The following N4BP2 variants were observed in gnomAD, a reference collection of about 807,000 sequenced individuals.
N4BP2 encodes NEDD4-binding protein 2.
A neutral mutation model predicts 152.8 loss-of-function variants in N4BP2; 91 were observed. The ratio of observed to expected loss-of-function variants is 0.60; its 90% CI spans 0.50 to 0.71. N4BP2 has a LOEUF of 0.71. Among genes scored for constraint, N4BP2 ranks in the 30% least tolerant of loss-of-function variants. The probability of loss-of-function intolerance (pLI) is 0.00; values close to 1 mark genes in which losing one functional copy is unlikely to be tolerated. For missense variants in N4BP2, 1,923 were observed against 2,059.1 expected, an observed-to-expected ratio of 0.93 and a Z score of 1.28; for synonymous variants, 646 against 705.3, an observed-to-expected ratio of 0.92 and a Z score of 1.33.
At chr4:40,115,858 G>A (rs1247670200) in intron 7 of N4BP2, among the ~76,000 whole-genome samples, 1 of 152,022 alleles carries the variant, frequency 6.6e-6, no homozygotes, top group Non-Finnish European at 1.5e-5. Context: ...CATGCTTATT[G>A]TTACTCATAT....
At chr4:40,059,036 G>T (rs1733446475) in intron 1 of N4BP2, among the ~76,000 whole-genome samples, 1 of 152,084 alleles carries the variant, frequency 6.6e-6, no homozygotes, top group Non-Finnish European at 1.5e-5. Context: ...GCCCAGGCTG[G>T]TCTCAAACCC....
At chr4:40,057,830 T>C (rs1733336375) in intron 1 of N4BP2, among the ~76,000 whole-genome samples, 1 of 152,144 alleles carries the variant, frequency 6.6e-6, no homozygotes. Context: ...GACAGGTCAG[T>C]GTCAGTGTTG....
At chr4:40,086,092 G>A (rs1457430371) in intron 2 of N4BP2, among the ~76,000 whole-genome samples, 3 of 149,950 alleles carry the variant, frequency 2.0e-5, no homozygotes, top group East Asian at 2.0e-4. Flanking sequence ...CTCAGCTCCC[G>A]AGTAGCTGGG....
chr4:40,120,622 T>C lies in N4BP2; in HGVS notation c.2511T>C (p.Cys837=), dbSNP rs958496196. The C allele has an allele frequency of 1.2e-6, 2 of 1,614,020 alleles. No individual in the cohort carries two copies. Among genetic ancestry groups the C allele is most frequent in the Non-Finnish European group, 1.7e-6 (2 of 1,180,024 alleles). Residue 837 remains cysteine (C), a synonymous_variant, in exon 9 of 18, where the codon TGT becomes TGC. Coordinates refer to ENST00000261435, the MANE Select transcript of N4BP2 (RefSeq NM_018177.6). ...LVNSVSVNTD[C]VQQRGSPHES... ...ACAGTGTATCTGTGAATACAGATTG[T>C]GTCCAGCAACGAGGATCTCCACATG...
At chr4:40,107,783 T>C (rs1716464990) in intron 5 of N4BP2, among the ~76,000 whole-genome samples, 1 of 152,202 alleles carries the variant, frequency 6.6e-6, no homozygotes, top group East Asian at 1.9e-4. Context: ...GTTATAAGGA[T>C]TCAAAGAGTT....
chr4:40,134,531 C>A (rs1299133172), intron 13 of N4BP2, among the ~76,000 whole-genome samples: 2 of 152,296 alleles, frequency 1.3e-5, no homozygotes, highest in East Asian at 3.9e-4. Context: ...GGTAGGTGAG[C>A]TCAGTTACTA....
chr4:40,073,080 A>T (rs1009398142), intron 1 of N4BP2, among the ~76,000 whole-genome samples: 1 of 152,130 alleles, frequency 6.6e-6, no homozygotes, highest in Non-Finnish European at 1.5e-5. Flanking sequence ...ATGATTCTTG[A>T]TTAGCTATTT....
chr4:40,139,530 C>T (rs1164321626), intron 14 of N4BP2, among the ~76,000 whole-genome samples: 4 of 131,306 alleles, frequency 3.0e-5, no homozygotes, highest in African/African-American at 1.2e-4. Flanking sequence ...CTCACTCTGT[C>T]GCCCAGGCTG....
rs767803072 is a variant in N4BP2, at chr4:40,142,670, T to C, written c.4786-3T>C. 5.0e-6 allele frequency: 8 copies of C among 1,598,494 alleles called. No individual in the cohort carries two copies. The highest frequency in any genetic ancestry group is 3.5e-5 in the Admixed American group (2 of 56,376). On this transcript the variant is annotated splice_polypyrimidine_tract_variant and splice_region_variant and intron_variant, in intron 14 of 17. Transcript: ENST00000261435. Reference sequence around the variant, plus strand: ...GTGTTACTTATTGTTTAATATCTTATAGCCAAAGAAATTAAAAGAGACTGA... The same window carrying C: ...GTGTTACTTATTGTTTAATATCTTACAGCCAAAGAAATTAAAAGAGACTGA...
At chr4:40,150,666 G>A (rs1253547620) in intron 16 of N4BP2, among the ~76,000 whole-genome samples, 1 of 96,368 alleles carries the variant, frequency 1.0e-5, no homozygotes. Flanking sequence ...GTGAGACTCT[G>A]TCTCAGGGGG....
In N4BP2 at chr4:40,099,844, G is replaced by T. The variant is rs368814959; in HGVS notation, c.230-2231G>T. ...TTAGTTGATCTTTTCTGGTTTTACT[G>T]TCATGTAGATTTTTTTCATAGAAAT... On this transcript the variant is annotated intron_variant, in intron 3 of 17. Transcript: ENST00000261435. Among the ~76,000 whole-genome samples, 19 of 151,608 alleles carry T rather than the reference G, an allele frequency of 1.3e-4. 1 individual carries two copies. The East Asian group carries it at 3.7e-3, about 29-fold the overall frequency.
At position 40,155,601 on chromosome 4, in the gene N4BP2, G is replaced by A. The variant is rs1050445939; in HGVS notation, c.*1364G>A. ...TGTAAAGGAGGTTATAATGTGGTAA[G>A]GTATAATTTTCCAATATGAGACAAT... On this transcript the variant is annotated 3_prime_UTR_variant, in exon 18 of 18. Transcript: ENST00000261435. 2 of 152,076 alleles carry A rather than the reference G, an allele frequency of 1.3e-5. No homozygotes were observed. Among genetic ancestry groups the A allele is most frequent in the Non-Finnish European group, 2.9e-5 (2 of 68,020 alleles). The allele number at this position is 152,076 out of a possible 1,614,324, so 9.4% of individuals were successfully genotyped here. A position where few individuals can be genotyped will look rare whatever the true frequency, so the allele number is the denominator to read the frequency against.
At chr4:40,139,827 T>C (rs1166923805) in intron 14 of N4BP2, among the ~76,000 whole-genome samples, 1 of 147,018 alleles carries the variant, frequency 6.8e-6, no homozygotes, top group Non-Finnish European at 1.5e-5. Flanking sequence ...CATTTTTTTT[T>C]CTTTTTTTTT....
rs139830934 is a variant in N4BP2 at position 40,122,208 on chromosome 4, C to T, written c.4097C>T (p.Ala1366Val). Residue 1366 changes from alanine (A) to valine (V), a missense_variant, in exon 9 of 18, where the codon GCG becomes GTG. Ala to Val is a moderately conservative substitution (Grantham distance 64). Coordinates refer to ENST00000261435, the MANE Select transcript of N4BP2 (RefSeq NM_018177.6). ...ACCGAGATATTGAATCCCACTCCAG[C>T]GATGGCCAAATCTCTGACCATAGAC... ...DKTEILNPTP[A>V]MAKSLTIDCL... 3.8e-5 allele frequency: 61 copies of T among 1,613,594 alleles called. No homozygotes were observed. The highest frequency in any genetic ancestry group is 8.3e-5 in the Admixed American group (5 of 59,972).
intron 1 of N4BP2, among the ~76,000 whole-genome samples, chr4:40,059,719 T>C (rs1340553819): frequency 6.6e-6 from 1 of 152,212 alleles, no homozygotes; most frequent in Non-Finnish European, 1.5e-5. Flanking sequence ...CCATGTATCA[T>C]TATCAACCTC....
At chr4:40,070,818 G>GT (rs1003637488) in intron 1 of N4BP2, among the ~76,000 whole-genome samples, 6 of 149,334 alleles carry the variant, frequency 4.0e-5, no homozygotes, top group South Asian at 2.1e-4. Context: ...GCTGTGTGGT[G>GT]TTTTTTTTTC....
intron 2 of N4BP2, among the ~76,000 whole-genome samples, chr4:40,090,154 C>T (rs1714388089): frequency 6.6e-6 from 1 of 152,158 alleles, no homozygotes; most frequent in African/African-American, 2.4e-5. Flanking sequence ...ATTTCTGTCC[C>T]TCCACTGATG....
chr4:40,188,793 A>G, the N4BP2 span, among the ~76,000 whole-genome samples: 1 of 152,104 alleles, frequency 6.6e-6, no homozygotes, highest in Non-Finnish European at 1.5e-5. Context: ...TGTAGTGCCT[A>G]ATAAATGGTA....
intron 15 of N4BP2, among the ~76,000 whole-genome samples, chr4:40,143,134 C>T (rs537725943): frequency 1.3e-5 from 2 of 152,240 alleles, no homozygotes; most frequent in South Asian, 4.1e-4. Flanking sequence ...ATATTTCTGG[C>T]AGCAGAATAT....
Sources: gnomAD v4.1 joint callset for allele counts (sites outside exome capture counted in the v4.1 genomes callset) on GRCh38, gnomAD v4.1.1 for gene constraint, MANE v1.5 for transcripts, NCBI Gene and HGNC (gene_info 2026-07-23, HGNC 2026-07-21) for gene names.